CNTNAP2: variants seen among roughly 807,000 people sequenced by gnomAD.
CNTNAP2 encodes contactin associated protein 2, also known as contactin-associated protein-like 2.
CNTNAP2 carries 98 observed loss-of-function variants against 155.2 expected under a neutral mutation model. That is an observed-to-expected ratio of 0.63 (90% CI 0.54 to 0.75). The LOEUF (loss-of-function observed/expected upper bound fraction) is 0.75, where lower values mean the gene tolerates loss of function less well. Among genes scored for constraint, CNTNAP2 ranks in the 30% least tolerant of loss-of-function variants. The probability of loss-of-function intolerance (pLI) is 0.00; values close to 1 mark genes in which losing one functional copy is unlikely to be tolerated. For missense variants in CNTNAP2, 1,727 were observed against 1,688.1 expected (o/e 1.02, Z -0.40); for synonymous variants, 651 against 631.2 (o/e 1.03, Z -0.47).
intron 16 of CNTNAP2, among the ~76,000 whole-genome samples, chr7:148,130,894 C>A (rs183538629): frequency 1.2e-4 from 18 of 152,140 alleles, no homozygotes; most frequent in Non-Finnish European, 1.8e-4. Context: ...TTTTACAAGA[C>A]AATTCATTAG....
intron 19 of CNTNAP2, among the ~76,000 whole-genome samples, chr7:148,228,954 CAT>C (rs1795910195): frequency 6.6e-6 from 1 of 151,792 alleles, no homozygotes. Flanking sequence ...TTTTATTTCA[CAT>C]AGTGTTTCGT....
rs552355089 is a variant in CNTNAP2 at position 147,644,429 on chromosome 7, T to A, written c.2098+5123T>A. On this transcript the variant is annotated intron_variant, in intron 13 of 23. Transcript: ENST00000361727. ...TGAAGTCAGGAGTTCAAGACCAGCCTGGCCAACATGGTGAAAACCCGTCTC... is the reference window on the plus strand; with the variant it reads ...TGAAGTCAGGAGTTCAAGACCAGCCAGGCCAACATGGTGAAAACCCGTCTC... 1.8e-4 allele frequency among the ~76,000 whole-genome samples: 28 copies of A among 152,276 alleles called. 1 individual carries two copies. In the East Asian group the frequency reaches 5.0e-3, roughly 27 times the overall value.
intron 15 of CNTNAP2, among the ~76,000 whole-genome samples, chr7:147,980,273 A>T (rs559570031): frequency 1.3e-5 from 2 of 152,322 alleles, no homozygotes; most frequent in East Asian, 3.9e-4. Context: ...CTTTTTAAAA[A>T]AGAGAAAATG....
intron 1 of CNTNAP2, among the ~76,000 whole-genome samples, chr7:146,747,228 C>T (rs184104458): frequency 1.9e-3 from 290 of 152,202 alleles, no homozygotes; most frequent in African/African-American, 6.5e-3. Flanking sequence ...CATTATCTGA[C>T]CTTATACCTA....
chr7:146,219,246 A>T (rs810596), intron 1 of CNTNAP2, among the ~76,000 whole-genome samples: 4 of 152,084 alleles, frequency 2.6e-5, no homozygotes, highest in Non-Finnish European at 4.4e-5. Flanking sequence ...TTACAATTTG[A>T]GATGAGATTT....
intron 14 of CNTNAP2, chr7:147,940,007 A>G (rs550157866): frequency 6.6e-6 from 1 of 152,190 alleles, no homozygotes; most frequent in Non-Finnish European, 1.5e-5. Flanking sequence ...CTTTAGAGCC[A>G]AGCATGGTGG....
intron 11 of CNTNAP2, among the ~76,000 whole-genome samples, chr7:147,494,096 T>TCA (rs72241983): frequency 0.29 from 43,603 of 151,920 alleles, 6,373 homozygotes; most frequent in East Asian, 0.43. Context: ...CTTCCTGAAA[T>TCA]CACTTTTTGC....
At chr7:146,625,667 A>T (rs1246285715) in intron 1 of CNTNAP2, among the ~76,000 whole-genome samples, 1 of 152,108 alleles carries the variant, frequency 6.6e-6, no homozygotes, top group Non-Finnish European at 1.5e-5. Context: ...AAGACATATG[A>T]GGACACAAAT....
At chr7:147,236,009 ACT>A (rs1803796090) in intron 8 of CNTNAP2, among the ~76,000 whole-genome samples, 1 of 151,914 alleles carries the variant, frequency 6.6e-6, no homozygotes, top group African/African-American at 2.4e-5. Context: ...ACATAATTTG[ACT>A]CTCTTTTCCA....
At chr7:147,925,738 G>A (rs1037993953) in intron 14 of CNTNAP2, among the ~76,000 whole-genome samples, 11 of 152,204 alleles carry the variant, frequency 7.2e-5, no homozygotes, top group African/African-American at 2.7e-4. Context: ...TGGGATTACA[G>A]GCGTGAGCCA....
chr7:148,100,843 C>G (rs893202628), intron 15 of CNTNAP2, among the ~76,000 whole-genome samples: 1 of 151,954 alleles, frequency 6.6e-6, no homozygotes, highest in Non-Finnish European at 1.5e-5. Context: ...ATGTTTATAG[C>G]GGCACTATTC....
rs182045717 is a variant in CNTNAP2 at position 147,173,046 on chromosome 7, T to C, written c.1348+40537T>C. On this transcript the variant is annotated intron_variant, in intron 8 of 23. Transcript: ENST00000361727. The stretch of plus-strand genomic sequence containing the variant: ...TGATGTAATATTCAACTCTATACTT[T>C]ATGGCAACCAAGATACACAAGAAAA... Among the ~76,000 whole-genome samples the C allele has an allele frequency of 3.9e-5, 6 of 152,276 alleles. No homozygotes were observed. The East Asian group carries it at 9.6e-4, about 24-fold the overall frequency.
intron 15 of CNTNAP2, among the ~76,000 whole-genome samples, chr7:148,035,238 A>T (rs111598846): frequency 0.021 from 3,180 of 152,302 alleles, 113 homozygotes; most frequent in African/African-American, 0.071. Flanking sequence ...TAATAAAGGG[A>T]TTAGTACAGC....
chr7:147,551,971 T>C (rs1288550464), intron 11 of CNTNAP2, among the ~76,000 whole-genome samples: 3 of 152,112 alleles, frequency 2.0e-5, no homozygotes, highest in Non-Finnish European at 4.4e-5. Flanking sequence ...TAACTTAGAG[T>C]GCTTGGCCAA....
At chr7:146,768,918 C>T (rs1185174172) in intron 1 of CNTNAP2, among the ~76,000 whole-genome samples, 1 of 152,156 alleles carries the variant, frequency 6.6e-6, no homozygotes, top group Non-Finnish European at 1.5e-5. Context: ...TACGTATATT[C>T]TGAAGTCCTT....
At chr7:147,369,183 G>GA (rs1231462693) in intron 9 of CNTNAP2, among the ~76,000 whole-genome samples, 3 of 152,184 alleles carry the variant, frequency 2.0e-5, no homozygotes, top group Non-Finnish European at 4.4e-5. Context: ...GTTAGAACTT[G>GA]AAAAAGCACT....
At chr7:147,687,418 A>G (rs996616900) in intron 13 of CNTNAP2, among the ~76,000 whole-genome samples, 16 of 152,162 alleles carry the variant, frequency 1.1e-4, no homozygotes, top group Non-Finnish European at 1.8e-4. Flanking sequence ...TGATTCTTTT[A>G]TTTTCTTAAT....
intron 1 of CNTNAP2, among the ~76,000 whole-genome samples, chr7:146,726,673 A>C (rs1368382270): frequency 8.5e-5 from 13 of 152,182 alleles, no homozygotes. Flanking sequence ...TTAGATTATT[A>C]CTATTCTTAA....
chr7:147,917,149 C>T (rs1015368065), intron 14 of CNTNAP2, among the ~76,000 whole-genome samples: 2 of 152,246 alleles, frequency 1.3e-5, no homozygotes, highest in Non-Finnish European at 2.9e-5. Context: ...GTGGCCATCA[C>T]TGGCTTCACA....
Sources: allele counts gnomAD v4.1 joint callset (sites outside exome capture counted in the v4.1 genomes callset), GRCh38; gene constraint gnomAD v4.1.1; transcripts MANE v1.5; gene names NCBI Gene and HGNC (gene_info 2026-07-23, HGNC 2026-07-21).